RALGAPA1: variants seen among roughly 807,000 people sequenced by gnomAD.
RALGAPA1 encodes Ral GTPase activating protein catalytic subunit alpha 1, also known as ral GTPase-activating protein subunit alpha-1.
RALGAPA1 carries 52 observed loss-of-function variants against 269.6 expected under a neutral mutation model. The ratio of observed to expected loss-of-function variants is 0.19; its 90% CI spans 0.15 to 0.24. The LOEUF is 0.24. RALGAPA1 is among the 10% of genes least tolerant of loss of function. The probability of loss-of-function intolerance (pLI) is 1.00; values close to 1 mark genes in which losing one functional copy is unlikely to be tolerated. For missense variants in RALGAPA1, 1,917 were observed against 3,013.9 expected (o/e 0.64, Z 8.52); for synonymous variants, 817 against 1,008.3 (o/e 0.81, Z 3.60).
intron 7 of RALGAPA1, among the ~76,000 whole-genome samples, chr14:35,754,557 T>C (rs942790007): frequency 2.0e-5 from 3 of 152,192 alleles, no homozygotes; most frequent in African/African-American, 7.2e-5. Context: ...AATTACAAAT[T>C]GACCGTACCA....
intron 1 of RALGAPA1, among the ~76,000 whole-genome samples, chr14:35,801,205 G>A (rs2076948071): frequency 6.6e-6 from 1 of 150,642 alleles, no homozygotes; most frequent in Non-Finnish European, 1.5e-5. Flanking sequence ...AAACGAGAAG[G>A]ATAACATTAC....
At chr14:35,557,540 T>C (rs1441589275) in intron 39 of RALGAPA1, among the ~76,000 whole-genome samples, 1 of 152,186 alleles carries the variant, frequency 6.6e-6, no homozygotes, top group Non-Finnish European at 1.5e-5. Context: ...ATGCACTATA[T>C]GCCCCCAGGG....
At chr14:35,756,675 C>T in intron 7 of RALGAPA1, 118 bp downstream of exon 7, 1 of 662,084 alleles carries the variant, frequency 1.5e-6, no homozygotes, top group Middle Eastern at 4.8e-4. Context: ...CCTCCAACCT[C>T]CCTGACAAAA....
intron 10 of RALGAPA1, among the ~76,000 whole-genome samples, chr14:35,744,023 G>T (rs1342960015): frequency 6.6e-6 from 1 of 152,104 alleles, no homozygotes; most frequent in African/African-American, 2.4e-5. Context: ...TCTTTTCCTT[G>T]TGTGTGTTTG....
At chr14:35,669,592 C>T (rs1055481001) in intron 26 of RALGAPA1, among the ~76,000 whole-genome samples, 13 of 152,036 alleles carry the variant, frequency 8.6e-5, no homozygotes, top group Non-Finnish European at 1.5e-4. Context: ...GACACAGAGA[C>T]ATTCAGTAAC....
chr14:35,681,280 T>C (rs766658688), intron 21 of RALGAPA1, among the ~76,000 whole-genome samples: 3 of 152,228 alleles, frequency 2.0e-5, no homozygotes, highest in Non-Finnish European at 2.9e-5. Context: ...CAAATACAAC[T>C]GCCTTAGTTT....
intron 26 of RALGAPA1, among the ~76,000 whole-genome samples, chr14:35,667,323 G>A (rs774407882): frequency 2.1e-4 from 32 of 152,080 alleles, no homozygotes; most frequent in Admixed American, 3.9e-4. Flanking sequence ...GCTTGAACCC[G>A]GGAGGCGGAA....
chr14:35,618,097 A>G (rs914997642), intron 35 of RALGAPA1, among the ~76,000 whole-genome samples: 25 of 152,138 alleles, frequency 1.6e-4, no homozygotes, highest in African/African-American at 5.3e-4. Flanking sequence ...AAATGTTATG[A>G]TTTCTTCCAA....
At chr14:35,629,790 T>C (rs779828597) in intron 33 of RALGAPA1, among the ~76,000 whole-genome samples, 3 of 152,228 alleles carry the variant, frequency 2.0e-5, no homozygotes, top group Non-Finnish European at 4.4e-5. Flanking sequence ...TGAGCCACTG[T>C]GCTGAGCCAA....
chr14:35,775,759 A>C lies in RALGAPA1; in HGVS notation c.107-14T>G. On this transcript the variant is annotated splice_polypyrimidine_tract_variant and intron_variant, in intron 1 of 41. Transcript: ENST00000680220. ...ATTCTGCATTCTCTGAAAAATAAAA[A>C]AAAATTACTGATTATTTACATGTAT... 6.5e-7 allele frequency: 1 copy of C among 1,528,924 alleles called. No individual in the cohort carries two copies. Among genetic ancestry groups the C allele is most frequent in the Non-Finnish European group, 8.7e-7 (1 of 1,146,572 alleles). The allele number at this position is 1,528,924 out of a possible 1,614,324, so 94.7% of individuals were successfully genotyped here.
rs545873546 is a variant in RALGAPA1 at position 35,718,376 on chromosome 14, T to A, written c.2266+3312A>T. Among the ~76,000 whole-genome samples the A allele has an allele frequency of 3.9e-5, 6 of 152,350 alleles. No individual in the cohort carries two copies. The South Asian group carries it at 1.2e-3, about 32-fold the overall frequency. ...GTTATGCTATAAGCCTGTATCGACA[T>A]AAAGTATCTTTAGGATTCTCAAGAA... On this transcript the variant is annotated intron_variant, in intron 16 of 41. Coordinates refer to ENST00000680220, the MANE Select transcript of RALGAPA1 (RefSeq NM_001346249.2).
chr14:35,729,427 T>C (rs112844973), intron 12 of RALGAPA1, among the ~76,000 whole-genome samples: 80 of 152,162 alleles, frequency 5.3e-4, no homozygotes, highest in Middle Eastern at 6.8e-3. Context: ...TACATAGTAA[T>C]AGAACTTGAG....
intron 1 of RALGAPA1, among the ~76,000 whole-genome samples, chr14:35,798,782 G>A (rs2076756948): frequency 6.6e-6 from 1 of 152,060 alleles, no homozygotes. Context: ...TTGGGGCCAG[G>A]AGTTCGAAAC....
chr14:35,672,765 G>A, intron 25 of RALGAPA1, 102 bp downstream of exon 25: 1 of 1,126,830 alleles, frequency 8.9e-7, no homozygotes, highest in Non-Finnish European at 1.2e-6. Context: ...AAGGGGGAGA[G>A]TTTAACTTCT....
chr14:35,552,462 C>A (rs1202296290), intron 39 of RALGAPA1, among the ~76,000 whole-genome samples: 2 of 152,118 alleles, frequency 1.3e-5, no homozygotes, highest in African/African-American at 4.8e-5. Context: ...AACAACAGGA[C>A]AACTCAAGCT....
chr14:35,721,091 T>C (rs1446583397), intron 16 of RALGAPA1, among the ~76,000 whole-genome samples: 1 of 152,210 alleles, frequency 6.6e-6, no homozygotes, highest in Non-Finnish European at 1.5e-5. Flanking sequence ...AATGAGATGG[T>C]AGCTAATTCC....
At chr14:35,701,199 A>T (rs1028102891) in intron 16 of RALGAPA1, among the ~76,000 whole-genome samples, 15 of 152,328 alleles carry the variant, frequency 9.8e-5, no homozygotes, top group Middle Eastern at 3.4e-3. Flanking sequence ...AGAGATTTTT[A>T]AAAAAACATT....
intron 37 of RALGAPA1, among the ~76,000 whole-genome samples, chr14:35,586,508 G>A (rs1427110599): frequency 6.6e-6 from 1 of 152,154 alleles, no homozygotes; most frequent in Non-Finnish European, 1.5e-5. Flanking sequence ...TGGTGAGAGA[G>A]GGCATCCTTG....
At chr14:35,659,822 C>A (rs1303368083) in intron 27 of RALGAPA1, among the ~76,000 whole-genome samples, 1 of 151,924 alleles carries the variant, frequency 6.6e-6, no homozygotes, top group African/African-American at 2.4e-5. Flanking sequence ...GATGGTTCAA[C>A]ATATAGAAAG....
Sources: gnomAD v4.1 joint callset for allele counts (sites outside exome capture counted in the v4.1 genomes callset) on GRCh38, gnomAD v4.1.1 for gene constraint, MANE v1.5 for transcripts, NCBI Gene and HGNC (gene_info 2026-07-23, HGNC 2026-07-21) for gene names.